Variants in PRKAR2B observed in about 807,000 individuals in gnomAD.
PRKAR2B encodes the protein protein kinase cAMP-dependent type II regulatory subunit beta, also known as cAMP-dependent protein kinase type II-beta regulatory subunit.
Under a neutral mutation model 49.9 loss-of-function variants are expected in PRKAR2B, and 14 were observed. That is an observed-to-expected ratio of 0.28 (90% CI 0.19 to 0.44). The LOEUF is 0.44. Among genes scored for constraint, PRKAR2B ranks in the 20% least tolerant of loss-of-function variants. PRKAR2B has a pLI of 1.00. For synonymous variants in PRKAR2B, 196 were observed against 197.7 expected (o/e 0.99, Z 0.07); for missense variants, 393 against 537.9 (o/e 0.73, Z 2.67).
At chr7:107,118,472 T>C (rs1314960534) in intron 2 of PRKAR2B, among the ~76,000 whole-genome samples, 1 of 151,344 alleles carries the variant, frequency 6.6e-6, no homozygotes, top group African/African-American at 2.4e-5. Context: ...AAAAAAAGCA[T>C]TGAGCTAGTA....
chr7:107,149,287 A>C (rs1237791865), intron 6 of PRKAR2B, among the ~76,000 whole-genome samples: 1 of 152,212 alleles, frequency 6.6e-6, no homozygotes, highest in South Asian at 2.1e-4. Context: ...AATTACAGCC[A>C]ATACCAAATT....
At position 107,070,321 on chromosome 7, in the gene PRKAR2B, G is replaced by A. The variant is rs3729869; in HGVS notation, c.343+5G>A. 5,660 of 1,599,534 alleles carry A rather than the reference G, an allele frequency of 3.5e-3. 152 individuals are homozygous for A. The African/African-American group carries it at 0.059, about 17-fold the overall frequency. ...GATTCACAAGGCGTGCCTCAGGTAA[G>A]TCTGATTATATTATGGATTTTGTTT... On this transcript the variant is annotated splice_donor_5th_base_variant and intron_variant, in intron 2 of 10. Coordinates refer to ENST00000265717, the MANE Select transcript of PRKAR2B (RefSeq NM_002736.3).
chr7:107,045,523 G>A (rs916639977), intron 1 of PRKAR2B, among the ~76,000 whole-genome samples: 3 of 152,352 alleles, frequency 2.0e-5, no homozygotes, highest in Admixed American at 2.0e-4. Context: ...CTGCTAGAAA[G>A]ACAACTTTCG....
intron 2 of PRKAR2B, among the ~76,000 whole-genome samples, chr7:107,098,700 G>T (rs1794899603): frequency 6.6e-6 from 1 of 152,100 alleles, no homozygotes; most frequent in African/African-American, 2.4e-5. Flanking sequence ...GTTTTGGTGT[G>T]GATGTCCTTT....
intron 4 of PRKAR2B, among the ~76,000 whole-genome samples, chr7:107,140,028 T>A (rs1419306069): frequency 6.6e-6 from 1 of 152,218 alleles, no homozygotes; most frequent in Non-Finnish European, 1.5e-5. Flanking sequence ...ACTTTTCCAT[T>A]GTATTGTATT....
At chr7:107,055,321 T>C (rs919029165) in intron 1 of PRKAR2B, among the ~76,000 whole-genome samples, 1 of 152,244 alleles carries the variant, frequency 6.6e-6, no homozygotes, top group African/African-American at 2.4e-5. Flanking sequence ...CCTTTGGGTA[T>C]ATACCCAGTA....
chr7:107,158,630 T>A (rs1413190961), intron 10 of PRKAR2B, among the ~76,000 whole-genome samples: 2 of 152,186 alleles, frequency 1.3e-5, no homozygotes, highest in Non-Finnish European at 2.9e-5. Context: ...CATAGAAGAC[T>A]TTTCTGTATT....
chr7:107,130,232 G>A (rs1200941503), intron 4 of PRKAR2B, among the ~76,000 whole-genome samples: 1 of 152,166 alleles, frequency 6.6e-6, no homozygotes, highest in Non-Finnish European at 1.5e-5. Flanking sequence ...GGGCGTGGTG[G>A]CTCATGCCTG....
At chr7:107,092,504 G>A (rs1373402484) in intron 2 of PRKAR2B, among the ~76,000 whole-genome samples, 2 of 151,878 alleles carry the variant, frequency 1.3e-5, no homozygotes, top group Non-Finnish European at 2.9e-5. Context: ...GAGGAAATGA[G>A]GGACATAGAC....
At chr7:107,100,609 G>A (rs1393314293) in intron 2 of PRKAR2B, among the ~76,000 whole-genome samples, 1 of 151,980 alleles carries the variant, frequency 6.6e-6, no homozygotes, top group African/African-American at 2.4e-5. Flanking sequence ...ATTTTTTATG[G>A]AACTTCTATT....
chr7:107,133,063 C>A (rs368480314), intron 4 of PRKAR2B, among the ~76,000 whole-genome samples: 2 of 152,066 alleles, frequency 1.3e-5, no homozygotes, highest in African/African-American at 4.8e-5. Context: ...TGAGTCAGAG[C>A]CCTTTACTGA....
chr7:107,147,627 T>G (rs1795916969), intron 6 of PRKAR2B, among the ~76,000 whole-genome samples: 1 of 152,214 alleles, frequency 6.6e-6, no homozygotes, highest in Admixed American at 6.5e-5. Flanking sequence ...GCCCGTGATT[T>G]TTGCATTTCT....
chr7:107,081,433 A>G (rs1794512031), intron 2 of PRKAR2B, among the ~76,000 whole-genome samples: 1 of 108,340 alleles, frequency 9.2e-6, no homozygotes, highest in Non-Finnish European at 1.7e-5. Context: ...ATCTTGACCC[A>G]GCTACTTCTT....
intron 2 of PRKAR2B, among the ~76,000 whole-genome samples, chr7:107,118,961 G>A (rs1795339959): frequency 1.3e-5 from 2 of 152,160 alleles, no homozygotes; most frequent in Middle Eastern, 3.2e-3. Context: ...TGTAGTACTG[G>A]CACAATGTAT....
intron 1 of PRKAR2B, among the ~76,000 whole-genome samples, chr7:107,066,046 G>A (rs1217021011): frequency 6.6e-6 from 1 of 152,166 alleles, no homozygotes; most frequent in African/African-American, 2.4e-5. Context: ...GATATCTCTG[G>A]TTATACAAGC....
intron 2 of PRKAR2B, among the ~76,000 whole-genome samples, chr7:107,089,169 A>AAAAC (rs1794675240): frequency 6.6e-6 from 1 of 152,182 alleles, no homozygotes; most frequent in Admixed American, 6.5e-5. Context: ...CTCCATCTCA[A>AAAAC]AAACAAACAA....
At chr7:107,060,814 C>A (rs904442532) in intron 1 of PRKAR2B, among the ~76,000 whole-genome samples, 2 of 151,544 alleles carry the variant, frequency 1.3e-5, no homozygotes, top group Non-Finnish European at 2.9e-5. Flanking sequence ...ATTTTTTTTG[C>A]CTTGTTTAAG....
chr7:107,128,358 T>G (rs1394558681), intron 4 of PRKAR2B, 63 bp downstream of exon 4: 1 of 1,253,912 alleles, frequency 8.0e-7, no homozygotes, highest in Non-Finnish European at 1.2e-6. Flanking sequence ...TGTCAAGAAC[T>G]GTACAGGGTC....
At chr7:107,101,361 A>G (rs942648137) in intron 2 of PRKAR2B, among the ~76,000 whole-genome samples, 5 of 152,106 alleles carry the variant, frequency 3.3e-5, no homozygotes, top group Non-Finnish European at 5.9e-5. Context: ...TCCAAATTTT[A>G]GGCAGTTTTC....
Sources: allele counts gnomAD v4.1 joint callset (sites outside exome capture counted in the v4.1 genomes callset), GRCh38; gene constraint gnomAD v4.1.1; transcripts MANE v1.5; gene names NCBI Gene and HGNC (gene_info 2026-07-23, HGNC 2026-07-21).